The following GPC6 variants were observed in gnomAD, a reference collection of about 807,000 sequenced individuals.
The protein encoded by GPC6 is glypican-6.
In GPC6, 14 loss-of-function variants were observed where a neutral mutation model predicts 55.2. That is an observed-to-expected ratio of 0.25 (90% CI 0.17 to 0.40). The LOEUF is 0.40. Among genes scored for constraint, GPC6 ranks in the 10% least tolerant of loss-of-function variants. The pLI is 1.00. For missense variants in GPC6, 641 were observed against 708.5 expected, an observed-to-expected ratio of 0.90 and a Z score of 1.08; for synonymous variants, 278 against 259.6, an observed-to-expected ratio of 1.07 and a Z score of -0.68.
intron 4 of GPC6, among the ~76,000 whole-genome samples, chr13:94,263,174 G>A (rs1215440489): frequency 1.3e-5 from 2 of 152,226 alleles, no homozygotes; most frequent in Non-Finnish European, 2.9e-5. Flanking sequence ...GCGTCCTGGA[G>A]TTTCAGAAGA....
At chr13:93,435,145 C>A (rs1877519845) in intron 1 of GPC6, among the ~76,000 whole-genome samples, 1 of 151,448 alleles carries the variant, frequency 6.6e-6, no homozygotes, top group Non-Finnish European at 1.5e-5. Context: ...GACATGGTCT[C>A]ACTCTTTCAC....
At chr13:93,504,729 A>T (rs895744687) in intron 1 of GPC6, among the ~76,000 whole-genome samples, 1 of 151,982 alleles carries the variant, frequency 6.6e-6, no homozygotes, top group Non-Finnish European at 1.5e-5. Flanking sequence ...GTATAATAAA[A>T]TAATTACCAA....
intron 6 of GPC6, chr13:94,306,360 C>T (rs1875949116): frequency 1.8e-6 from 1 of 564,130 alleles, no homozygotes; most frequent in African/African-American, 1.9e-5. Flanking sequence ...ATGCAGTGAC[C>T]ACATTTTCAA....
At chr13:93,459,454 A>T (rs1878599505) in intron 1 of GPC6, among the ~76,000 whole-genome samples, 1 of 152,104 alleles carries the variant, frequency 6.6e-6, no homozygotes, top group Non-Finnish European at 1.5e-5. Context: ...ATATTTTTTT[A>T]AAATCATCAG....
At chr13:94,311,896 G>A (rs944245012) in intron 6 of GPC6, among the ~76,000 whole-genome samples, 1 of 152,148 alleles carries the variant, frequency 6.6e-6, no homozygotes, top group East Asian at 1.9e-4. Flanking sequence ...ACAAGTCAGG[G>A]TTCTGTTCGA....
intron 1 of GPC6, among the ~76,000 whole-genome samples, chr13:93,256,708 T>A (rs1426724165): frequency 6.6e-6 from 1 of 152,208 alleles, no homozygotes; most frequent in Non-Finnish European, 1.5e-5. Flanking sequence ...TGTATACTAC[T>A]AGGCATGTGC....
At chr13:93,716,450 C>G (rs1883257853) in intron 2 of GPC6, among the ~76,000 whole-genome samples, 2 of 150,716 alleles carry the variant, frequency 1.3e-5, no homozygotes, top group African/African-American at 4.9e-5. Context: ...AGGTGTAGGC[C>G]TAGGGTAATC....
Position 94,110,882 on chromosome 13 carries a change from C to T in GPC6, c.877+82988C>T, listed in dbSNP as rs116873361. 8.7e-4 allele frequency among the ~76,000 whole-genome samples: 133 copies of T among 152,130 alleles called. 1 individual carries two copies. In the East Asian group the frequency reaches 0.024, roughly 27 times the overall value. ...AAGAATTTTTGTTTATTTATTTTTACCATGGAATTACTGGCTCATAAAATA... is the reference window on the plus strand; with the variant it reads ...AAGAATTTTTGTTTATTTATTTTTATCATGGAATTACTGGCTCATAAAATA... On this transcript the variant is annotated intron_variant, in intron 4 of 8. Coordinates refer to ENST00000377047, the MANE Select transcript of GPC6 (RefSeq NM_005708.5).
intron 6 of GPC6, among the ~76,000 whole-genome samples, chr13:94,310,550 C>T (rs995317969): frequency 2.6e-5 from 4 of 152,110 alleles, no homozygotes; most frequent in Admixed American, 6.5e-5. Context: ...GACTGTGTGG[C>T]GGACTATGCA....
intron 4 of GPC6, among the ~76,000 whole-genome samples, chr13:94,208,469 T>C (rs1889971385): frequency 6.6e-6 from 1 of 152,044 alleles, no homozygotes; most frequent in South Asian, 2.1e-4. Context: ...AAGGAGATGA[T>C]ATTTGATGTA....
chr13:93,505,943 A>G lies in GPC6; in HGVS notation c.161-39320A>G, dbSNP rs543693887. On this transcript the variant is annotated intron_variant, in intron 1 of 8. Transcript: ENST00000377047. ...GGACTGCCTGTGTATCTATTATAAA[A>G]TAGACTCGTTATTCCCATTCCTAAG... is the stretch of plus-strand genomic sequence containing the variant. Among the ~76,000 whole-genome samples, 15 of 152,294 alleles carry G rather than the reference A, an allele frequency of 9.8e-5. No homozygotes were observed. In the South Asian group the frequency reaches 3.1e-3, roughly 32 times the overall value.
intron 3 of GPC6, among the ~76,000 whole-genome samples, chr13:93,991,421 A>G (rs1442302394): frequency 6.6e-6 from 1 of 152,192 alleles, no homozygotes; most frequent in Non-Finnish European, 1.5e-5. Flanking sequence ...TGTTTTCTCT[A>G]CCACACTATT....
chr13:93,648,062 A>G (rs1880252316), intron 2 of GPC6, among the ~76,000 whole-genome samples: 1 of 152,104 alleles, frequency 6.6e-6, no homozygotes, highest in Non-Finnish European at 1.5e-5. Context: ...GCATTAGAGG[A>G]GAAAGATACA....
At chr13:94,401,905 C>G (rs972840451) in intron 8 of GPC6, among the ~76,000 whole-genome samples, 2 of 151,892 alleles carry the variant, frequency 1.3e-5, no homozygotes, top group African/African-American at 4.8e-5. Context: ...ACACTCCAGC[C>G]TGGGCAACAG....
At chr13:94,387,732 C>CTCTA (rs1353926825) in intron 7 of GPC6, among the ~76,000 whole-genome samples, 1 of 123,694 alleles carries the variant, frequency 8.1e-6, no homozygotes, top group Non-Finnish European at 1.8e-5. Flanking sequence ...ACATGAGTTT[C>CTCTA]TCTCTCTCTC....
chr13:93,546,447 G>A lies in GPC6; in HGVS notation c.319+1026G>A, dbSNP rs992559244. On this transcript the variant is annotated intron_variant, in intron 2 of 8. Transcript: ENST00000377047. ...TTTTCAAATTGGTTCTCAAAGTTAC[G>A]GAAGACAGGTCTACCTGGTATTTTC... is the stretch of plus-strand genomic sequence containing the variant. 3.3e-5 allele frequency among the ~76,000 whole-genome samples: 5 copies of A among 152,074 alleles called. No individual in the cohort carries two copies. In the South Asian group the frequency reaches 6.2e-4, roughly 19 times the overall value.
At chr13:93,564,863 C>T (rs1313852873) in intron 2 of GPC6, among the ~76,000 whole-genome samples, 4 of 152,102 alleles carry the variant, frequency 2.6e-5, no homozygotes, top group Non-Finnish European at 5.9e-5. Flanking sequence ...TATTAATACC[C>T]TAAGTCTATT....
intron 1 of GPC6, among the ~76,000 whole-genome samples, chr13:93,280,657 C>G (rs1049926008): frequency 2.0e-5 from 3 of 152,210 alleles, no homozygotes; most frequent in Non-Finnish European, 4.4e-5. Context: ...AAGGGAATGC[C>G]CTACATAGGG....
chr13:93,492,971 G>A (rs1418383859), intron 1 of GPC6, among the ~76,000 whole-genome samples: 2 of 105,432 alleles, frequency 1.9e-5, no homozygotes, highest in Non-Finnish European at 3.9e-5. Flanking sequence ...AAGGATATTG[G>A]TCTAAAATTC....
Sources: gnomAD v4.1 joint callset for allele counts (sites outside exome capture counted in the v4.1 genomes callset) on GRCh38, gnomAD v4.1.1 for gene constraint, MANE v1.5 for transcripts, NCBI Gene and HGNC (gene_info 2026-07-23, HGNC 2026-07-21) for gene names.